CDK5RAP2: variants seen among roughly 807,000 people sequenced by gnomAD.
CDK5RAP2 encodes the protein CDK5 regulatory subunit-associated protein 2.
Under a neutral mutation model 232.9 loss-of-function variants are expected in CDK5RAP2, and 147 were observed. The observed-to-expected ratio is 0.63, with a 90% CI of 0.55 to 0.72. The LOEUF is 0.72. CDK5RAP2 is among the 30% of genes least tolerant of loss of function. The pLI is 0.00. For synonymous variants in CDK5RAP2, 833 were observed against 833.7 expected, an observed-to-expected ratio of 1.00 and a Z score of 0.01; for missense variants, 2,195 against 2,231.5, an observed-to-expected ratio of 0.98 and a Z score of 0.33.
chr9:120,423,812 C>G (rs1473962928), intron 25 of CDK5RAP2, among the ~76,000 whole-genome samples: 1 of 152,220 alleles, frequency 6.6e-6, no homozygotes, highest in Non-Finnish European at 1.5e-5. Flanking sequence ...TCAAACACCA[C>G]AGTATAGAGG....
chr9:120,394,504 T>G lies in CDK5RAP2; in HGVS notation c.5578+8A>C. 1 of 1,613,992 alleles carries G rather than the reference T, an allele frequency of 6.2e-7. No individual in the cohort carries two copies. The highest frequency in any genetic ancestry group is 8.5e-7 in the Non-Finnish European group (1 of 1,179,904). ...TCAGGCATAGCGGCCACCCCCACACTCACTCACATTGATCAAAGATGACTT... is the reference window on the plus strand; with the variant it reads ...TCAGGCATAGCGGCCACCCCCACACGCACTCACATTGATCAAAGATGACTT... On this transcript the variant is annotated splice_region_variant and intron_variant, in intron 36 of 37. Coordinates refer to ENST00000349780, the MANE Select transcript of CDK5RAP2 (RefSeq NM_018249.6).
At chr9:120,414,681 A>G in intron 28 of CDK5RAP2, among the ~76,000 whole-genome samples, 1 of 152,230 alleles carries the variant, frequency 6.6e-6, no homozygotes, top group Non-Finnish European at 1.5e-5. Flanking sequence ...TAAGTTCTTC[A>G]TGGACGATCA....
intron 12 of CDK5RAP2, among the ~76,000 whole-genome samples, chr9:120,518,165 CTGTGTGTGTGTGTGTG>C (rs56032707): frequency 2.7e-4 from 30 of 111,252 alleles, no homozygotes; most frequent in South Asian, 7.7e-4. Context: ...GATAACAACT[CTGTGTGTGTGTGTGTG>C]TGTGTGTGTG....
chr9:120,394,056 G>A (rs2032239053), intron 36 of CDK5RAP2, among the ~76,000 whole-genome samples: 1 of 152,164 alleles, frequency 6.6e-6, no homozygotes, highest in South Asian at 2.1e-4. Flanking sequence ...ACTGGTTTTG[G>A]TTTCTCACAT....
At chr9:120,505,374 ACTGGCCATTCC>A in intron 12 of CDK5RAP2, among the ~76,000 whole-genome samples, 1 of 152,248 alleles carries the variant, frequency 6.6e-6, no homozygotes, top group East Asian at 1.9e-4. Flanking sequence ...AGCTCCACCA[ACTGGCCATTCC>A]CTGTCTCCTT....
chr9:120,404,761 C>T (rs2033317714), intron 32 of CDK5RAP2, among the ~76,000 whole-genome samples: 1 of 152,136 alleles, frequency 6.6e-6, no homozygotes, highest in South Asian at 2.1e-4. Context: ...CTAACCTAAG[C>T]TAGAGATGAG....
intron 13 of CDK5RAP2, among the ~76,000 whole-genome samples, chr9:120,488,428 A>G (rs1409054218): frequency 6.6e-6 from 1 of 152,244 alleles, no homozygotes; most frequent in Non-Finnish European, 1.5e-5. Flanking sequence ...TACATAGTTT[A>G]ACAGTCAAAT....
chr9:120,574,178 T>C (rs146247153), intron 1 of CDK5RAP2, among the ~76,000 whole-genome samples: 2 of 152,318 alleles, frequency 1.3e-5, no homozygotes, highest in Middle Eastern at 3.4e-3. Context: ...AAAACCACTA[T>C]GTAATGCAGA....
intron 26 of CDK5RAP2, among the ~76,000 whole-genome samples, chr9:120,421,822 A>G (rs2034583866): frequency 6.6e-6 from 1 of 152,248 alleles, no homozygotes; most frequent in Non-Finnish European, 1.5e-5. Flanking sequence ...ACAATGTGGA[A>G]TAACAGGAAG....
chr9:120,578,647 G>T (rs2043129176), intron 1 of CDK5RAP2, among the ~76,000 whole-genome samples: 1 of 150,682 alleles, frequency 6.6e-6, no homozygotes, highest in South Asian at 2.1e-4. Context: ...GCTCACTGCA[G>T]CATCAACCTT....
chr9:120,427,760 T>C (rs2035008991), intron 25 of CDK5RAP2, among the ~76,000 whole-genome samples: 1 of 152,106 alleles, frequency 6.6e-6, no homozygotes. Context: ...AGAGGGGAAA[T>C]GCAAGGCCTG....
Position 120,453,523 on chromosome 9 carries a change from G to A in CDK5RAP2, c.2726C>T (p.Pro909Leu). The A allele has an allele frequency of 6.2e-7, 1 of 1,614,070 alleles. No homozygotes were observed. Among genetic ancestry groups the A allele is most frequent in the East Asian group, 2.2e-5 (1 of 44,882 alleles). The change falls in exon 21 of 38, where the codon CCA (proline) becomes CTA (leucine). Residue 909 changes from proline to leucine, a missense_variant. By Grantham distance (98) the Pro-to-Leu change is moderately conservative (BLOSUM62 -3). Coordinates refer to ENST00000349780, the MANE Select transcript of CDK5RAP2 (RefSeq NM_018249.6). ...CCCAGGCACCCCGTGCAGGTTCTCTGGCCGATGCTCTGCGCTGAGTGCAGT... is the reference window on the plus strand; with the variant it reads ...CCCAGGCACCCCGTGCAGGTTCTCTAGCCGATGCTCTGCGCTGAGTGCAGT... ...INTALSAEHR[P>L]ENLHGVPGWQ...
At chr9:120,514,500 T>C (rs2040236391) in intron 12 of CDK5RAP2, among the ~76,000 whole-genome samples, 1 of 152,196 alleles carries the variant, frequency 6.6e-6, no homozygotes. Flanking sequence ...GGAGTTCTTC[T>C]TCCTCTTCTG....
In CDK5RAP2 at chr9:120,518,204, TGTGTGTGAGAGAGAGAGA is replaced by T. The variant is rs1460011297; in HGVS notation, c.1311+205_1311+222del. Among the ~76,000 whole-genome samples the T allele has an allele frequency of 1.2e-3, 134 of 107,358 alleles. 1 individual carries two copies. The highest frequency in any genetic ancestry group is 5.3e-3 in the African/African-American group (130 of 24,688). 70.4% of individuals were successfully genotyped at this position (107,358 alleles called of 152,430 possible). A position where few individuals can be genotyped will look rare whatever the true frequency, so the allele number is the denominator to read the frequency against. ...GTGTGTGTGTGTGTGTGTGTGTGTG[TGTGTGTGAGAGAGAGAGA>T]GAGAGAGAGAGAGAGAGAGAGCGAG... On this transcript the variant is annotated intron_variant, in intron 12 of 37. Coordinates refer to ENST00000349780, the MANE Select transcript of CDK5RAP2 (RefSeq NM_018249.6).
chr9:120,451,437 T>C (rs2036475274), intron 21 of CDK5RAP2, among the ~76,000 whole-genome samples: 1 of 152,198 alleles, frequency 6.6e-6, no homozygotes, highest in Admixed American at 6.5e-5. Context: ...GGTCTCCGTG[T>C]TTCTATAACT....
At chr9:120,422,908 T>C (rs1004780153) in intron 25 of CDK5RAP2, among the ~76,000 whole-genome samples, 167 bp from the exon 26 acceptor site, 4 of 152,260 alleles carry the variant, frequency 2.6e-5, no homozygotes, top group African/African-American at 4.8e-5. Flanking sequence ...ATTCAGACTA[T>C]AGACTTCTCC....
intron 12 of CDK5RAP2, among the ~76,000 whole-genome samples, chr9:120,508,987 A>T (rs1010131163): frequency 6.6e-6 from 1 of 152,190 alleles, no homozygotes; most frequent in Non-Finnish European, 1.5e-5. Context: ...GACATAAGGG[A>T]AAGTCTCCCT....
rs375999497 is a variant in CDK5RAP2, at chr9:120,526,059, T to TA, written c.1000-982dup. On this transcript the variant is annotated intron_variant, in intron 10 of 37. Coordinates refer to ENST00000349780, the MANE Select transcript of CDK5RAP2 (RefSeq NM_018249.6). ...TGTCCCCTTTGTGCATTCCTCTCCTTATCCCTGAAATTCTGATGTCCTCTG... is the reference window on the plus strand; with the variant it reads ...TGTCCCCTTTGTGCATTCCTCTCCTTAATCCCTGAAATTCTGATGTCCTCTG... Among the ~76,000 whole-genome samples the TA allele has an allele frequency of 1.2e-3, 180 of 152,302 alleles. 1 individual carries two copies. The highest frequency in any genetic ancestry group is 4.1e-3 in the African/African-American group (172 of 41,564).
At chr9:120,574,187 G>A (rs1228215098) in intron 1 of CDK5RAP2, among the ~76,000 whole-genome samples, 6 of 152,142 alleles carry the variant, frequency 3.9e-5, no homozygotes, top group Admixed American at 3.3e-4. Context: ...ATGTAATGCA[G>A]AAATTTTTGC....
Sources: gnomAD v4.1 joint callset for allele counts (sites outside exome capture counted in the v4.1 genomes callset) on GRCh38, gnomAD v4.1.1 for gene constraint, MANE v1.5 for transcripts, NCBI Gene and HGNC (gene_info 2026-07-23, HGNC 2026-07-21) for gene names.